The following LTN1 variants were observed in gnomAD, a reference collection of about 807,000 sequenced individuals.
LTN1 encodes the protein E3 ubiquitin-protein ligase listerin.
Under a neutral mutation model 201.2 loss-of-function variants are expected in LTN1, and 88 were observed. The ratio of observed to expected loss-of-function variants is 0.44; its 90% CI spans 0.37 to 0.52. The LOEUF is 0.52. Ranked by LOEUF, LTN1 falls within the 20% of genes least tolerant of loss-of-function variation. The pLI is 0.00. For missense variants in LTN1, 1,752 were observed against 2,038.7 expected (o/e 0.86, Z 2.71); for synonymous variants, 645 against 713.5 (o/e 0.90, Z 1.53).
chr21:28,943,934 G>A (rs543539253), intron 22 of LTN1, 30 bp from the exon 23 acceptor site: 15 of 1,372,572 alleles, frequency 1.1e-5, no homozygotes, highest in Middle Eastern at 1.8e-4. Flanking sequence ...AAACATGCAC[G>A]TCTCAAAAGA....
rs187287284 is a variant in LTN1 at position 28,932,362 on chromosome 21, T to G, written c.5070+108A>C. On this transcript the variant is annotated intron_variant, in intron 28 of 29. Transcript: ENST00000361371. ...TCTGTATTTATCCAAGGAAGTTTAATATCTACTTTTATCTTAAGCAGAAAA... is the reference window on the plus strand; with the variant it reads ...TCTGTATTTATCCAAGGAAGTTTAAGATCTACTTTTATCTTAAGCAGAAAA... The G allele has an allele frequency of 1.9e-3, 1,657 of 884,206 alleles. 3 individuals carry two copies. Among genetic ancestry groups the G allele is most frequent in the Non-Finnish European group, 2.5e-3 (1,399 of 552,012 alleles). The allele number at this position is 884,206 out of a possible 1,614,324, so 54.8% of individuals were successfully genotyped here.
At chr21:28,959,909 A>G (rs2146289767) in intron 12 of LTN1, 2 of 381,714 alleles carry the variant, frequency 5.2e-6, no homozygotes, top group South Asian at 3.2e-5. Flanking sequence ...GAAATGGTCT[A>G]CAGTTAGGGT....
rs1049388158 is a variant in LTN1, at chr21:28,932,552, A to G, written c.4988T>C (p.Val1663Ala). 1 of 1,613,864 alleles carries G rather than the reference A, an allele frequency of 6.2e-7. No homozygotes were observed. Among genetic ancestry groups the G allele is most frequent in the African/African-American group, 1.3e-5 (1 of 74,926 alleles). ...TACTCCTACTCTTTTCCCACTTTCT[A>G]CTATTATTGAACCCAGTGGATAATT... Reference protein sequence around the residue: ...PSNYPLGSIIVESGKRVGVAV... With the variant: ...PSNYPLGSIIAESGKRVGVAV... The change falls in exon 28 of 30, where the codon GTA (valine) becomes GCA (alanine). Residue 1663 changes from valine to alanine, a missense_variant. By Grantham distance (64) the Val-to-Ala change is moderately conservative. Around this residue, in one of 3 missense-constraint regions of LTN1, gnomAD observed 261 missense variants for 350.1 expected, o/e 0.75. Transcript: ENST00000361371.
intron 26 of LTN1, among the ~76,000 whole-genome samples, chr21:28,935,942 C>A (rs1001461926): frequency 1.9e-4 from 29 of 150,576 alleles, no homozygotes; most frequent in African/African-American, 6.8e-4. Flanking sequence ...AAATAGAATA[C>A]ACATATTTTA....
Position 28,982,410 on chromosome 21 carries a change from CT to C in LTN1, c.577-43del, listed in dbSNP as rs766345497. The C allele has an allele frequency of 1.3e-5, 19 of 1,446,800 alleles. No homozygotes were observed. In the South Asian group the frequency reaches 2.2e-4, roughly 17 times the overall value. 89.6% of individuals were successfully genotyped at this position (1,446,800 alleles called of 1,614,324 possible). A position where few individuals can be genotyped will look rare whatever the true frequency, so the allele number is the denominator to read the frequency against. ...TACCAAAGCCTTTGGTTTTACTGAA[CT>C]GTCAATGGTGAACAGACAGAGCCTA... On this transcript the variant is annotated intron_variant, in intron 4 of 29. Coordinates refer to ENST00000361371, the MANE Select transcript of LTN1 (RefSeq NM_015565.3).
At position 28,930,404 on chromosome 21, in the gene LTN1, CTTTG is replaced by C. The variant is rs755264735; in HGVS notation, c.*40_*43del. ...TTTCAGACGGATCCAAATCCAATGC[CTTTG>C]TTTGATGTACTTCAGGGATCCCTTC... On this transcript the variant is annotated 3_prime_UTR_variant, in exon 30 of 30. Coordinates refer to ENST00000361371, the MANE Select transcript of LTN1 (RefSeq NM_015565.3). 2 of 1,482,908 alleles carry C rather than the reference CTTTG, an allele frequency of 1.3e-6. No individual in the cohort carries two copies. Among genetic ancestry groups the C allele is most frequent in the Admixed American group, 1.7e-5 (1 of 57,646 alleles). The allele number at this position is 1,482,908 out of a possible 1,614,324, so 91.9% of individuals were successfully genotyped here. A position where few individuals can be genotyped will look rare whatever the true frequency, so the allele number is the denominator to read the frequency against.
intron 25 of LTN1, among the ~76,000 whole-genome samples, chr21:28,939,915 C>A (rs1375120372): frequency 1.3e-5 from 2 of 152,260 alleles, no homozygotes; most frequent in Non-Finnish European, 2.9e-5. Flanking sequence ...TATTTAACAG[C>A]TAGATCAATG....
chr21:28,992,840 C>G lies in LTN1; in HGVS notation c.-35G>C. 6.2e-7 allele frequency: 1 copy of G among 1,614,164 alleles called. No individual in the cohort carries two copies. The highest frequency in any genetic ancestry group is 8.5e-7 in the Non-Finnish European group (1 of 1,180,012). ...TGCAGCTGTACTCTGAGCACTCAGA[C>G]CCCGGTTGACACGTCCGGGACACAA... On this transcript the variant is annotated 5_prime_UTR_variant, in exon 1 of 30. Transcript: ENST00000361371.
At chr21:28,962,952 G>A (rs764214170) in intron 11 of LTN1, among the ~76,000 whole-genome samples, 9 of 152,220 alleles carry the variant, frequency 5.9e-5, no homozygotes, top group East Asian at 1.9e-4. Context: ...ATCCAAAACC[G>A]AATCCAGAGC....
At chr21:28,931,763 A>G (rs2084212679) in intron 28 of LTN1, among the ~76,000 whole-genome samples, 1 of 152,166 alleles carries the variant, frequency 6.6e-6, no homozygotes, top group African/African-American at 2.4e-5. Context: ...GCACTTTGGG[A>G]GGCTAAGGTG....
intron 25 of LTN1, among the ~76,000 whole-genome samples, chr21:28,940,840 C>A (rs1179710390): frequency 2.0e-5 from 3 of 152,168 alleles, no homozygotes; most frequent in Non-Finnish European, 4.4e-5. Context: ...GTAATCCCAG[C>A]ATTTTGGGAG....
At chr21:28,954,925 G>A (rs1188109044) in intron 16 of LTN1, among the ~76,000 whole-genome samples, 4 of 152,078 alleles carry the variant, frequency 2.6e-5, no homozygotes, top group African/African-American at 7.2e-5. Flanking sequence ...ACAAAAACAG[G>A]CAAATAGGAC....
intron 27 of LTN1, among the ~76,000 whole-genome samples, chr21:28,934,276 G>A (rs1013975535): frequency 6.6e-6 from 1 of 152,176 alleles, no homozygotes; most frequent in Non-Finnish European, 1.5e-5. Context: ...AAGTATTCCA[G>A]TACAGATTTT....
chr21:28,965,351 A>G (rs905777405), intron 11 of LTN1, among the ~76,000 whole-genome samples: 1 of 152,092 alleles, frequency 6.6e-6, no homozygotes, highest in African/African-American at 2.4e-5. Context: ...AAAATTTGTA[A>G]ATTGTTTATG....
At chr21:28,972,114 A>G (rs2146304779) in intron 6 of LTN1, among the ~76,000 whole-genome samples, 1 of 152,262 alleles carries the variant, frequency 6.6e-6, no homozygotes, top group South Asian at 2.1e-4. Flanking sequence ...ATAGGATCAG[A>G]GGGCCCTTAC....
intron 6 of LTN1, among the ~76,000 whole-genome samples, chr21:28,971,982 A>G (rs902068013): frequency 6.6e-6 from 1 of 152,242 alleles, no homozygotes; most frequent in Non-Finnish European, 1.5e-5. Flanking sequence ...GTTTAAGAAC[A>G]ATGCAATGGT....
At position 28,935,173 on chromosome 21, in the gene LTN1, C is replaced by T; in HGVS notation, c.4811G>A (p.Ser1604Asn). 1 of 1,613,646 alleles carries T rather than the reference C, an allele frequency of 6.2e-7. No individual in the cohort carries two copies. Among genetic ancestry groups the T allele is most frequent in the Non-Finnish European group, 8.5e-7 (1 of 1,179,552 alleles). Residue 1604 changes from serine (S) to asparagine (N), a missense_variant, in exon 27 of 30, where the codon AGT (serine) becomes AAT (asparagine). Around this residue, in one of 3 missense-constraint regions of LTN1, gnomAD observed 261 missense variants for 350.1 expected, o/e 0.75. Transcript: ENST00000361371. ...VDRFTSKYVS[S>N]VLSFQEISSV... ...AGATATTTCTTGAAAAGAAAGAACA[C>T]TGCTGACATACTTGCTTGTAAATCT...
chr21:28,951,184 T>A (rs908866293), intron 18 of LTN1, among the ~76,000 whole-genome samples: 6 of 152,250 alleles, frequency 3.9e-5, no homozygotes, highest in Admixed American at 6.5e-5. Flanking sequence ...TACACATTCA[T>A]GTGAATCTAC....
At chr21:28,989,037 T>A (rs943753462) in intron 1 of LTN1, among the ~76,000 whole-genome samples, 2 of 152,074 alleles carry the variant, frequency 1.3e-5, no homozygotes, top group Non-Finnish European at 2.9e-5. Context: ...TTTTTTAAGT[T>A]TATTAAAATG....
Sources: gnomAD v4.1 joint callset for allele counts (sites outside exome capture counted in the v4.1 genomes callset) on GRCh38, gnomAD v4.1.1 for gene constraint, gnomAD v4.1.1 regional missense constraint, MANE v1.5 for transcripts, NCBI Gene and HGNC (gene_info 2026-07-23, HGNC 2026-07-21) for gene names.